The following PKD1L1 variants were observed in gnomAD, a reference collection of about 807,000 sequenced individuals.
PKD1L1 encodes the protein polycystin-1-like protein 1.
Under a neutral mutation model 323.4 loss-of-function variants are expected in PKD1L1, and 236 were observed. The ratio of observed to expected loss-of-function variants is 0.73; its 90% CI spans 0.66 to 0.81. The LOEUF (loss-of-function observed/expected upper bound fraction) is 0.81. Ranked by LOEUF, PKD1L1 falls within the 40% of genes least tolerant of loss-of-function variation. The pLI, the probability that PKD1L1 is intolerant of heterozygous loss-of-function variation, is 0.00. For synonymous variants in PKD1L1, 1,344 were observed against 1,335.0 expected, an observed-to-expected ratio of 1.01 and a Z score of -0.15; for missense variants, 3,320 against 3,508.0, an observed-to-expected ratio of 0.95 and a Z score of 1.35.
At chr7:47,786,832 G>T (rs1786818247) in intron 56 of PKD1L1, among the ~76,000 whole-genome samples, 2 of 152,148 alleles carry the variant, frequency 1.3e-5, no homozygotes, top group South Asian at 4.1e-4. Flanking sequence ...CGGCTGGGAG[G>T]TCTCTTCGGG....
Position 47,908,641 on chromosome 7 carries a change from A to G in PKD1L1, c.1229-391T>C, listed in dbSNP as rs117277409. ...TAGACAAATAATACTTAAACAGCCA[A>G]ATGGGAATATATCAAATAACTATGA... On this transcript the variant is annotated intron_variant, in intron 8 of 56. Coordinates refer to ENST00000289672, the MANE Select transcript of PKD1L1 (RefSeq NM_138295.5). Among the ~76,000 whole-genome samples, 102 of 152,346 alleles carry G rather than the reference A, an allele frequency of 6.7e-4. 1 individual carries two copies. The East Asian group carries it at 0.018, about 27-fold the overall frequency.
chr7:47,861,148 A>C (rs1398159590), intron 26 of PKD1L1, among the ~76,000 whole-genome samples: 1 of 152,218 alleles, frequency 6.6e-6, no homozygotes, highest in Non-Finnish European at 1.5e-5. Flanking sequence ...AATGAAGAAA[A>C]AATATCTGTT....
intron 30 of PKD1L1, among the ~76,000 whole-genome samples, chr7:47,854,243 C>A (rs1785848333): frequency 6.6e-6 from 1 of 152,106 alleles, no homozygotes; most frequent in South Asian, 2.1e-4. Flanking sequence ...AGATGCCCAC[C>A]TAACCAACCA....
chr7:47,847,933 CA>C (rs1785699077), intron 31 of PKD1L1, among the ~76,000 whole-genome samples: 1 of 151,854 alleles, frequency 6.6e-6, no homozygotes, highest in African/African-American at 2.4e-5. Context: ...CAAGAAAAAA[CA>C]AACTCAATAC....
At chr7:47,841,925 G>A (rs939315390) in intron 34 of PKD1L1, among the ~76,000 whole-genome samples, 2 of 152,190 alleles carry the variant, frequency 1.3e-5, no homozygotes, top group African/African-American at 4.8e-5. Context: ...AATCATTAGA[G>A]TGAAGATGCT....
At chr7:47,925,986 C>T (rs894474683) in intron 7 of PKD1L1, among the ~76,000 whole-genome samples, 4 of 152,106 alleles carry the variant, frequency 2.6e-5, no homozygotes, top group African/African-American at 4.8e-5. Flanking sequence ...TCAGGCTGGG[C>T]GCAGTGGTTC....
At chr7:47,928,152 T>G (rs968584656) in intron 7 of PKD1L1, among the ~76,000 whole-genome samples, 5 of 152,224 alleles carry the variant, frequency 3.3e-5, no homozygotes, top group Non-Finnish European at 7.3e-5. Flanking sequence ...ATAAAAGATA[T>G]AAGAAGTAGA....
At chr7:47,941,605 C>T (rs551165193) in intron 2 of PKD1L1, among the ~76,000 whole-genome samples, 1 of 152,346 alleles carries the variant, frequency 6.6e-6, no homozygotes, top group East Asian at 1.9e-4. Flanking sequence ...ATGTGACGTG[C>T]TACAAATGCC....
chr7:47,885,520 C>T (rs1786662367), intron 18 of PKD1L1, among the ~76,000 whole-genome samples, 166 bp downstream of exon 18: 1 of 152,196 alleles, frequency 6.6e-6, no homozygotes, highest in African/African-American at 2.4e-5. Flanking sequence ...ATCCGAAACT[C>T]GATGACTATT....
chr7:47,856,441 AG>A (rs1785906354), intron 28 of PKD1L1, among the ~76,000 whole-genome samples: 1 of 152,244 alleles, frequency 6.6e-6, no homozygotes, highest in South Asian at 2.1e-4. Context: ...CTGAACATTT[AG>A]GTACATTTCT....
rs183045843 is a variant in PKD1L1 at position 47,817,508 on chromosome 7, T to A, written c.6966-2051A>T. Among the ~76,000 whole-genome samples, 479 of 152,316 alleles carry A rather than the reference T, an allele frequency of 3.1e-3. 4 individuals carry two copies. Among genetic ancestry groups the A allele is most frequent in the African/African-American group, 0.011 (464 of 41,572 alleles). On this transcript the variant is annotated intron_variant, in intron 46 of 56. Coordinates refer to ENST00000289672, the MANE Select transcript of PKD1L1 (RefSeq NM_138295.5). ...ATCAAAGACAAATAAATGTCACTAG[T>A]GTATAGAGTAATAAAGAGATGCAGT...
chr7:47,846,914 T>TA lies in PKD1L1; in HGVS notation c.5117_5118insT (p.Gln1707ThrfsTer7). 6.2e-7 allele frequency: 1 copy of TA among 1,611,796 alleles called. No homozygotes were observed. Among genetic ancestry groups the TA allele is most frequent in the East Asian group, 2.2e-5 (1 of 44,878 alleles). ...CTTTTTCAGGAGAAGTCCCTGGTTG[T>TA]GGAGAGAAACGTTCAGATTTCCACT... On this transcript the variant is annotated frameshift_variant, in exon 32 of 57. Transcript: ENST00000289672. LOFTEE classifies it high-confidence loss of function.
intron 34 of PKD1L1, 146 bp downstream of exon 34, chr7:47,842,815 TG>T: frequency 2.8e-6 from 2 of 720,890 alleles, no homozygotes; most frequent in South Asian, 1.9e-5. Flanking sequence ...GGGAGGGCAG[TG>T]GAAAGGGCGG....
At position 47,885,734 on chromosome 7, in the gene PKD1L1, G is replaced by T; in HGVS notation, c.3157C>A (p.Arg1053Ser). The change falls in exon 18 of 57, where the codon CGC (arginine) becomes AGC (serine). Residue 1053 changes from arginine (R) to serine (S), a missense_variant. Coordinates refer to ENST00000289672, the MANE Select transcript of PKD1L1 (RefSeq NM_138295.5). ...TGGGTGGGCTGACTTCTCTCAGAGC[G>T]GCCAGTCATCAGGGATCCCTTGCTC... ...PQSKGSLMTG[R>S]SERSQPTHSP... is the part of the protein sequence containing the mutation. 6.2e-7 allele frequency: 1 copy of T among 1,614,122 alleles called. No individual in the cohort carries two copies. Among genetic ancestry groups the T allele is most frequent in the Non-Finnish European group, 8.5e-7 (1 of 1,179,992 alleles).
intron 20 of PKD1L1, among the ~76,000 whole-genome samples, chr7:47,881,409 A>G (rs1029203760): frequency 6.6e-6 from 1 of 152,184 alleles, no homozygotes; most frequent in African/African-American, 2.4e-5. Context: ...AAATTATCTA[A>G]AAATAGTGTG....
intron 4 of PKD1L1, among the ~76,000 whole-genome samples, chr7:47,935,118 C>T (rs1787843896): frequency 6.6e-6 from 1 of 152,214 alleles, no homozygotes; most frequent in Admixed American, 6.5e-5. Flanking sequence ...AGTGCTGATT[C>T]CACTTGAAGA....
At chr7:47,787,768 G>C (rs946943339) in intron 56 of PKD1L1, among the ~76,000 whole-genome samples, 1 of 152,132 alleles carries the variant, frequency 6.6e-6, no homozygotes, top group Non-Finnish European at 1.5e-5. Flanking sequence ...CTGGAGTGCA[G>C]TGGCATAATC....
rs115945369 is a variant in PKD1L1 at position 47,797,548 on chromosome 7, T to G, written c.8194-1398A>C. Among the ~76,000 whole-genome samples, 913 of 152,316 alleles carry G rather than the reference T, an allele frequency of 6.0e-3. 6 individuals are homozygous for G. The highest frequency in any genetic ancestry group is 0.021 in the African/African-American group (877 of 41,574). On this transcript the variant is annotated intron_variant, in intron 54 of 56. Coordinates refer to ENST00000289672, the MANE Select transcript of PKD1L1 (RefSeq NM_138295.5). ...CCCATGGCAGACAGCAAGACCTGAC[T>G]CTTCCACCCAGAGACCTCAATGCAA...
Position 47,788,649 on chromosome 7 carries a change from G to A in PKD1L1, c.8526+3978C>T, listed in dbSNP as rs561493555. On this transcript the variant is annotated intron_variant, in intron 56 of 56. Coordinates refer to ENST00000289672, the MANE Select transcript of PKD1L1 (RefSeq NM_138295.5). ...TTCTTTCTGTTGCCTAGGCTGGAGT[G>A]CAGTGGTGCAATCTCGGCTCACAGC... Among the ~76,000 whole-genome samples the A allele has an allele frequency of 3.3e-5, 5 of 149,994 alleles. No homozygotes were observed. The East Asian group carries it at 9.7e-4, about 29-fold the overall frequency.
Sources: allele counts gnomAD v4.1 joint callset (sites outside exome capture counted in the v4.1 genomes callset), GRCh38; gene constraint gnomAD v4.1.1; transcripts MANE v1.5; gene names NCBI Gene and HGNC (gene_info 2026-07-23, HGNC 2026-07-21).